RAB31: variants seen among roughly 807,000 people sequenced by gnomAD.
RAB31 encodes the protein ras-related protein Rab-31.
RAB31 carries 21 observed loss-of-function variants against 25.6 expected under a neutral mutation model. That is an observed-to-expected ratio of 0.82 (90% CI 0.58 to 1.18). The LOEUF (loss-of-function observed/expected upper bound fraction) is 1.18. Among genes scored for constraint, RAB31 ranks in the 50% most tolerant of loss-of-function variants. RAB31 has a pLI of 0.00. For synonymous variants in RAB31, 87 were observed against 84.0 expected, an observed-to-expected ratio of 1.04 and a Z score of -0.20; for missense variants, 196 against 250.1, an observed-to-expected ratio of 0.78 and a Z score of 1.46.
chr18:9,743,071 T>C (rs2068188134), intron 1 of RAB31, among the ~76,000 whole-genome samples: 1 of 152,192 alleles, frequency 6.6e-6, no homozygotes, highest in Admixed American at 6.5e-5. Context: ...GGCTCTGAAA[T>C]GCCATTGTAC....
At chr18:9,858,953 A>G (rs1388559494) in intron 6 of RAB31, among the ~76,000 whole-genome samples, 1 of 152,110 alleles carries the variant, frequency 6.6e-6, no homozygotes, top group Non-Finnish European at 1.5e-5. Flanking sequence ...GGATCTTCCT[A>G]GCCCAGGAAT....
chr18:9,772,220 A>G (rs1324021321), intron 1 of RAB31, among the ~76,000 whole-genome samples: 2 of 152,122 alleles, frequency 1.3e-5, no homozygotes, highest in East Asian at 3.9e-4. Context: ...CAGCGCCCCC[A>G]CCGAGAAGAT....
At chr18:9,811,971 T>A (rs545159185) in intron 3 of RAB31, among the ~76,000 whole-genome samples, 28 of 152,218 alleles carry the variant, frequency 1.8e-4, no homozygotes, top group Non-Finnish European at 1.8e-4. Flanking sequence ...TTCTTACCAT[T>A]TGGGAGCTGG....
intron 3 of RAB31, among the ~76,000 whole-genome samples, chr18:9,799,911 T>C (rs2068505221): frequency 6.6e-6 from 1 of 152,168 alleles, no homozygotes; most frequent in Admixed American, 6.5e-5. Flanking sequence ...GCCATTGGGC[T>C]CCCTCTGTTG....
At chr18:9,762,263 T>C (rs1452455274) in intron 1 of RAB31, among the ~76,000 whole-genome samples, 1 of 152,242 alleles carries the variant, frequency 6.6e-6, no homozygotes, top group African/African-American at 2.4e-5. Context: ...CCTACTGCAA[T>C]TGTCATGATT....
chr18:9,848,752 G>A (rs1364904930), intron 6 of RAB31, among the ~76,000 whole-genome samples: 1 of 152,174 alleles, frequency 6.6e-6, no homozygotes, highest in African/African-American at 2.4e-5. Context: ...GAAAATAAAA[G>A]CCCTTTAAAA....
intron 1 of RAB31, among the ~76,000 whole-genome samples, chr18:9,727,523 C>T (rs923936791): frequency 3.3e-5 from 5 of 152,224 alleles, no homozygotes; most frequent in African/African-American, 9.6e-5. Context: ...GTTATGTTGT[C>T]GAGGCTGGTC....
chr18:9,777,881 A>G (rs2068381330), intron 2 of RAB31, among the ~76,000 whole-genome samples: 2 of 151,058 alleles, frequency 1.3e-5, no homozygotes, highest in South Asian at 4.2e-4. Context: ...CAGCCTCCTG[A>G]GTAGCTGGGA....
At chr18:9,753,658 A>G (rs949472051) in intron 1 of RAB31, among the ~76,000 whole-genome samples, 7 of 152,250 alleles carry the variant, frequency 4.6e-5, no homozygotes, top group African/African-American at 1.7e-4. Context: ...GATTCTGTAA[A>G]GCTTTTTTGA....
In RAB31 at chr18:9,861,910, C is replaced by T. The variant is rs1216986902; in HGVS notation, c.*2585C>T. The T allele has an allele frequency of 4.6e-5, 7 of 152,722 alleles. No homozygotes were observed. Among genetic ancestry groups the T allele is most frequent in the African/African-American group, 9.6e-5 (4 of 41,570 alleles). 9.5% of individuals were successfully genotyped at this position (152,722 alleles called of 1,614,324 possible). ...TCCCAATGGAAATCTCTGAGAATGA[C>T]AGTGGAGTTGTGCAAGCATTTTACA... On this transcript the variant is annotated 3_prime_UTR_variant, in exon 7 of 7. Transcript: ENST00000578921.
At chr18:9,779,766 C>G (rs1445068567) in intron 2 of RAB31, among the ~76,000 whole-genome samples, 4 of 152,234 alleles carry the variant, frequency 2.6e-5, no homozygotes, top group African/African-American at 9.6e-5. Flanking sequence ...GTTTCCGAGT[C>G]TTGCAACCAA....
chr18:9,765,416 G>T (rs1271648030), intron 1 of RAB31, among the ~76,000 whole-genome samples: 1 of 152,132 alleles, frequency 6.6e-6, no homozygotes, highest in Non-Finnish European at 1.5e-5. Flanking sequence ...AGTGAGATCT[G>T]CTCTCTCTAC....
In RAB31 at chr18:9,766,605, G is replaced by A. The variant is rs2068317700; in HGVS notation, c.40-8673G>A. ...CCCACAAGGTCTGCTGCCCTGTACA[G>A]GCCTCCTGAATTCCCTAACTTAACT... On this transcript the variant is annotated intron_variant, in intron 1 of 6. Coordinates refer to ENST00000578921, the MANE Select transcript of RAB31 (RefSeq NM_006868.4). The surrounding 1 kb of genome is among the most constrained non-coding windows in gnomAD (Gnocchi z 4.3). 6.6e-6 allele frequency among the ~76,000 whole-genome samples: 1 copy of A among 152,144 alleles called. No individual in the cohort carries two copies.
intron 5 of RAB31, among the ~76,000 whole-genome samples, chr18:9,834,986 A>G (rs2068696863): frequency 6.6e-6 from 1 of 152,170 alleles, no homozygotes; most frequent in Non-Finnish European, 1.5e-5. Flanking sequence ...AAACAAGTTA[A>G]TTATTATCAC....
At chr18:9,771,642 T>C (rs2068345548) in intron 1 of RAB31, among the ~76,000 whole-genome samples, 1 of 152,174 alleles carries the variant, frequency 6.6e-6, no homozygotes, top group Admixed American at 6.5e-5. Flanking sequence ...TGGCCTGTCC[T>C]CAGCAAACCG....
chr18:9,859,266 A>C lies in RAB31; in HGVS notation c.529A>C (p.Asn177His), dbSNP rs746508290. 9 of 1,613,786 alleles carry C rather than the reference A, an allele frequency of 5.6e-6. No individual in the cohort carries two copies. The highest frequency in any genetic ancestry group is 7.6e-6 in the Non-Finnish European group (9 of 1,179,828). Residue 177 changes from asparagine to histidine, a missense_variant, in exon 7 of 7, where the codon AAC becomes CAC. Physicochemically the swap from Asn to His is moderately conservative, Grantham distance 68 (BLOSUM62 1). Coordinates refer to ENST00000578921, the MANE Select transcript of RAB31 (RefSeq NM_006868.4). ...IPPLDPHENG[N>H]NGTIKVEKPT... Reference sequence around the variant, plus strand: ...ACCCTTGGACCCCCATGAAAATGGAAACAATGGAACAATCAAAGTTGAGAA... The same window carrying C: ...ACCCTTGGACCCCCATGAAAATGGACACAATGGAACAATCAAAGTTGAGAA...
intron 2 of RAB31, among the ~76,000 whole-genome samples, chr18:9,779,539 G>A (rs867931135): frequency 4.6e-5 from 7 of 152,338 alleles, no homozygotes; most frequent in Middle Eastern, 3.4e-3. Context: ...AACTGAGTCA[G>A]GCTGCCAAGT....
At chr18:9,814,974 C>A (rs922853025) in intron 4 of RAB31, 142 bp from the exon 5 acceptor site, 1 of 572,062 alleles carries the variant, frequency 1.7e-6, no homozygotes, top group Non-Finnish European at 3.0e-6. Context: ...ACTTTTGTGC[C>A]TAGACAGAGG....
rs534223926 is a variant in RAB31 at position 9,774,774 on chromosome 18, G to T, written c.40-504G>T. ...ACCATTATATAATTAAGCAAAATTT[G>T]GAAGTTATTACCCAACCATCAGATT... is the stretch of plus-strand genomic sequence containing the variant. On this transcript the variant is annotated intron_variant, in intron 1 of 6. Coordinates refer to ENST00000578921, the MANE Select transcript of RAB31 (RefSeq NM_006868.4). 70 of 489,364 alleles carry T rather than the reference G, an allele frequency of 1.4e-4. No homozygotes were observed. In the East Asian group the frequency reaches 3.8e-3, roughly 27 times the overall value. The allele number at this position is 489,364 out of a possible 1,614,324, so 30.3% of individuals were successfully genotyped here. A position where few individuals can be genotyped will look rare whatever the true frequency, so the allele number is the denominator to read the frequency against.
Sources: allele counts gnomAD v4.1 joint callset (sites outside exome capture counted in the v4.1 genomes callset), GRCh38; gene constraint gnomAD v4.1.1; non-coding constraint Gnocchi (gnomAD v3.1); transcripts MANE v1.5; gene names NCBI Gene and HGNC (gene_info 2026-07-23, HGNC 2026-07-21).